Variants in HDAC9 observed in about 807,000 individuals in gnomAD.
HDAC9 encodes MEF-2 interacting transcription repressor (MITR) protein.
HDAC9 carries 41 observed loss-of-function variants against 139.4 expected under a neutral mutation model. The ratio of observed to expected loss-of-function variants is 0.29; its 90% CI spans 0.23 to 0.38. The LOEUF is 0.38. Ranked by LOEUF, HDAC9 falls within the 10% of genes least tolerant of loss-of-function variation. HDAC9 has a pLI of 1.00. For synonymous variants in HDAC9, 517 were observed against 476.2 expected (o/e 1.09, Z -1.12); for missense variants, 1,147 against 1,297.0 (o/e 0.88, Z 1.78).
intron 22 of HDAC9, among the ~76,000 whole-genome samples, chr7:18,876,254 C>G (rs978458423): frequency 6.6e-6 from 1 of 152,090 alleles, no homozygotes; most frequent in Non-Finnish European, 1.5e-5. Flanking sequence ...TATATCTATT[C>G]ATTGGAGAGG....
At chr7:18,104,227 C>T (rs937021332) in intron 1 of HDAC9, among the ~76,000 whole-genome samples, 1 of 146,136 alleles carries the variant, frequency 6.8e-6, no homozygotes, top group Non-Finnish European at 1.5e-5. Context: ...ACCTGCTGTA[C>T]ATTGTTCCCA....
At chr7:18,530,272 C>CAA (rs1808464923) in intron 2 of HDAC9, among the ~76,000 whole-genome samples, 3 of 151,854 alleles carry the variant, frequency 2.0e-5, no homozygotes, top group African/African-American at 7.3e-5. Context: ...TAAAACAAAA[C>CAA]AAAAAAGAAT....
At chr7:18,939,149 A>G (rs1347225326) in intron 23 of HDAC9, among the ~76,000 whole-genome samples, 3 of 152,210 alleles carry the variant, frequency 2.0e-5, no homozygotes, top group African/African-American at 7.2e-5. Context: ...GGTGGTCTTC[A>G]GTTGCATAAG....
In HDAC9 at chr7:19,000,758, A is replaced by G. The variant is rs1025203914; in HGVS notation, c.*4696A>G. On this transcript the variant is annotated 3_prime_UTR_variant, in exon 26 of 26. Coordinates refer to ENST00000686413, the MANE Select transcript of HDAC9 (RefSeq NM_178425.4). ...TACATGGTGAATCTGGTGTAAACTT[A>G]CAATCTAACAAATAATTTTCTTTCA... 2.6e-5 allele frequency: 4 copies of G among 152,202 alleles called. No homozygotes were observed. Among genetic ancestry groups the G allele is most frequent in the African/African-American group, 9.6e-5 (4 of 41,460 alleles). 9.4% of individuals were successfully genotyped at this position (152,202 alleles called of 1,614,324 possible). A position where few individuals can be genotyped will look rare whatever the true frequency, so the allele number is the denominator to read the frequency against.
At chr7:18,873,178 T>C (rs1418736931) in intron 21 of HDAC9, among the ~76,000 whole-genome samples, 1 of 152,146 alleles carries the variant, frequency 6.6e-6, no homozygotes, top group Non-Finnish European at 1.5e-5. Context: ...ATAATGTAGC[T>C]GTATTTGAAA....
At chr7:18,783,272 C>T (rs1006821431) in intron 16 of HDAC9, among the ~76,000 whole-genome samples, 21 of 152,022 alleles carry the variant, frequency 1.4e-4, no homozygotes, top group African/African-American at 5.1e-4. Context: ...CCAAATAGAA[C>T]TCTTTCTTTA....
intron 1 of HDAC9, among the ~76,000 whole-genome samples, chr7:18,354,549 G>C (rs1028220726): frequency 2.6e-5 from 4 of 152,140 alleles, no homozygotes; most frequent in African/African-American, 9.7e-5. Context: ...ATAGTGGTTT[G>C]ATTCTCTACT....
chr7:18,884,414 T>A (rs1462417424), intron 22 of HDAC9, among the ~76,000 whole-genome samples: 1 of 152,124 alleles, frequency 6.6e-6, no homozygotes, highest in Non-Finnish European at 1.5e-5. Context: ...TCAATTGATC[T>A]TTGACAACGA....
At chr7:18,989,105 T>G (rs572900233) in intron 25 of HDAC9, among the ~76,000 whole-genome samples, 3 of 143,540 alleles carry the variant, frequency 2.1e-5, no homozygotes, top group Non-Finnish European at 3.0e-5. Context: ...ATCCTGTCAT[T>G]ATGATGTTAG....
chr7:18,336,247 T>C (rs1055756538), intron 1 of HDAC9, among the ~76,000 whole-genome samples: 2 of 151,634 alleles, frequency 1.3e-5, no homozygotes, highest in African/African-American at 4.8e-5. Flanking sequence ...GTTGTTATTA[T>C]TATAAGCATT....
chr7:18,348,520 A>G (rs17419024), intron 1 of HDAC9, among the ~76,000 whole-genome samples: 68,776 of 151,940 alleles, frequency 0.45, 17,718 homozygotes, highest in Non-Finnish European at 0.56. Context: ...TTAGGCATCT[A>G]TTATACTGTA....
chr7:18,733,456 T>C lies in HDAC9; in HGVS notation c.1909+5699T>C, dbSNP rs575037746. 1.4e-3 allele frequency among the ~76,000 whole-genome samples: 219 copies of C among 151,338 alleles called. 1 individual carries two copies. The highest frequency in any genetic ancestry group is 5.1e-3 in the African/African-American group (213 of 41,420). On this transcript the variant is annotated intron_variant, in intron 13 of 25. Coordinates refer to ENST00000686413, the MANE Select transcript of HDAC9 (RefSeq NM_178425.4). ...AGGAAATCTATTTTTTAAATTGCTG[T>C]CCTCAAATATATATGCTTGAAATTT... is the stretch of plus-strand genomic sequence containing the variant.
chr7:18,549,801 TAC>T (rs1816499230), intron 2 of HDAC9, among the ~76,000 whole-genome samples: 1 of 151,524 alleles, frequency 6.6e-6, no homozygotes, highest in Non-Finnish European at 1.5e-5. Context: ...CACCCACACA[TAC>T]ACACAGTTTC....
chr7:18,621,448 T>G (rs144748212), intron 6 of HDAC9, among the ~76,000 whole-genome samples: 10 of 152,172 alleles, frequency 6.6e-5, no homozygotes, highest in African/African-American at 1.9e-4. Flanking sequence ...CAAATATGGA[T>G]TTTGAAAAAT....
intron 16 of HDAC9, 129 bp downstream of exon 16, chr7:18,767,284 T>G (rs1026783901): frequency 4.0e-6 from 2 of 494,504 alleles, no homozygotes; most frequent in South Asian, 4.3e-5. Flanking sequence ...ACTGCCTACT[T>G]AATTTGCAGA....
At chr7:18,723,967 A>C (rs1347404448) in intron 12 of HDAC9, among the ~76,000 whole-genome samples, 1 of 152,194 alleles carries the variant, frequency 6.6e-6, no homozygotes, top group Non-Finnish European at 1.5e-5. Flanking sequence ...GATGAGTTAT[A>C]TCCAGTTTCT....
chr7:18,410,555 C>T (rs1180569130), intron 1 of HDAC9, among the ~76,000 whole-genome samples: 2 of 152,114 alleles, frequency 1.3e-5, no homozygotes, highest in Non-Finnish European at 2.9e-5. Context: ...TATATACATA[C>T]ATACACTGAT....
intron 6 of HDAC9, among the ~76,000 whole-genome samples, chr7:18,617,037 A>G (rs557426715): frequency 3.1e-4 from 47 of 152,312 alleles, no homozygotes; most frequent in Middle Eastern, 3.4e-3. Context: ...TCTCAGAACC[A>G]CACCAGGTGC....
intron 1 of HDAC9, chr7:18,429,021 G>C (rs1318080630): frequency 6.6e-6 from 1 of 152,260 alleles, no homozygotes; most frequent in African/African-American, 2.4e-5. Context: ...TCACCCTGTA[G>C]AAAATAGCAA....
Sources: gnomAD v4.1 joint callset for allele counts (sites outside exome capture counted in the v4.1 genomes callset) on GRCh38, gnomAD v4.1.1 for gene constraint, MANE v1.5 for transcripts, NCBI Gene and HGNC (gene_info 2026-07-23, HGNC 2026-07-21) for gene names.